Variants in NKAP observed in about 807,000 individuals in gnomAD.
The protein encoded by NKAP is NF-kappa-B-activating protein.
Under a neutral mutation model 35.6 loss-of-function variants are expected in NKAP, and 4 were observed. That is an observed-to-expected ratio of 0.11 (90% CI 0.06 to 0.26). The LOEUF is 0.26. Among genes scored for constraint, NKAP ranks in the 10% least tolerant of loss-of-function variants. NKAP has a pLI of 1.00. For missense variants in NKAP, 238 were observed against 321.9 expected, an observed-to-expected ratio of 0.74 and a Z score of 1.99; for synonymous variants, 106 against 119.2, an observed-to-expected ratio of 0.89 and a Z score of 0.72.
chrX:119,943,740 G>A lies in NKAP; in HGVS notation c.-135C>T, dbSNP rs778400818. 1.8e-3 allele frequency: 1,317 copies of A among 729,734 alleles called. 6 individuals are homozygous for A. The highest frequency in any genetic ancestry group is 0.011 in the South Asian group (317 of 29,415). The allele number at this position is 729,734 out of a possible 1,213,427, so 60.1% of individuals were successfully genotyped here. On this transcript the variant is annotated 5_prime_UTR_variant, in exon 1 of 9. Coordinates refer to ENST00000371410, the MANE Select transcript of NKAP (RefSeq NM_024528.4). ...CTGAGGAAACCTTGGACACAGTTCT[G>A]GGTACTTCTGCAAAACCCTTCCCCG...
chrX:119,935,718 A>T (rs1292111757), intron 4 of NKAP, among the ~76,000 whole-genome samples: 1 of 111,455 alleles, frequency 9.0e-6, no homozygotes, highest in Non-Finnish European at 1.9e-5. Context: ...ACCTCAGAGG[A>T]GGCACCTTCT....
Position 119,943,399 on chromosome X carries a change from G to A in NKAP, c.207C>T (p.Asn69=), listed in dbSNP as rs1476004666. 4.1e-6 allele frequency: 5 copies of A among 1,210,043 alleles called. No individual in the cohort carries two copies. In the East Asian group the frequency reaches 1.5e-4, roughly 36 times the overall value. The change falls in exon 1 of 9, where the codon AAC becomes AAT. Residue 69 remains asparagine (N), a synonymous_variant. Coordinates refer to ENST00000371410, the MANE Select transcript of NKAP (RefSeq NM_024528.4). ...ACCGCGAGCGTGAGCGGTAGGACTG[G>A]TTTCGGGAGCCTTGGCTGAGGCCAC... ...QLGGLSQGSR[N]QSYRSRSRSR... is the part of the protein sequence containing the mutation.
Position 119,943,678 on chromosome X carries a change from T to C in NKAP, c.-73A>G. 1 of 1,084,366 alleles carries C rather than the reference T, an allele frequency of 9.2e-7. No individual in the cohort carries two copies. Among genetic ancestry groups the C allele is most frequent in the South Asian group, 2.2e-5 (1 of 44,828 alleles). 89.4% of individuals were successfully genotyped at this position (1,084,366 alleles called of 1,213,427 possible). On this transcript the variant is annotated 5_prime_UTR_variant, in exon 1 of 9. Transcript: ENST00000371410. ...GAGCCTAGGAAGATGTCTGTTGCCTTGGTTCCCGGGACCTGCCGCTGCGGA... is the reference window on the plus strand; with the variant it reads ...GAGCCTAGGAAGATGTCTGTTGCCTCGGTTCCCGGGACCTGCCGCTGCGGA...
At chrX:119,941,628 T>G (rs2056793957) in intron 1 of NKAP, among the ~76,000 whole-genome samples, 1 of 111,196 alleles carries the variant, frequency 9.0e-6, no homozygotes, top group Non-Finnish European at 1.9e-5. Context: ...TTGTTTTTTT[T>G]TGTTTGTTTG....
chrX:119,932,561 A>G (rs763484657), intron 5 of NKAP: 16 of 135,977 alleles, frequency 1.2e-4, no homozygotes, highest in Non-Finnish European at 2.3e-4. Context: ...CGAGGCTGCA[A>G]TGAGCTATGA....
At chrX:119,933,889 C>A (rs1324581513) in intron 5 of NKAP, among the ~76,000 whole-genome samples, 1 of 109,179 alleles carries the variant, frequency 9.2e-6, no homozygotes, top group South Asian at 3.9e-4. Flanking sequence ...TGCAGTGAGC[C>A]GAGATCGCGC....
chrX:119,937,787 A>T (rs991031686), intron 2 of NKAP: 1 of 109,622 alleles, frequency 9.1e-6, no homozygotes, highest in Non-Finnish European at 1.9e-5. Context: ...TGGCCTCCCA[A>T]AGTGCTGTGA....
intron 8 of NKAP, among the ~76,000 whole-genome samples, chrX:119,926,105 C>T (rs1489207436): frequency 3.0e-5 from 3 of 100,036 alleles, no homozygotes; most frequent in East Asian, 3.2e-4. Flanking sequence ...TACAGGCGCC[C>T]GCCACCGCGC....
rs1234566235 is a variant in NKAP, at chrX:119,924,627, GT to G, written c.*592del. On this transcript the variant is annotated 3_prime_UTR_variant, in exon 9 of 9. Transcript: ENST00000371410. ...GGCTGGTCTCGACTCCTGACCTCAG[GT>G]GATCCACCCGCCTTGGCCTCCCAAA... 1.8e-5 allele frequency: 2 copies of G among 109,932 alleles called. No homozygotes were observed. The highest frequency in any genetic ancestry group is 3.8e-5 in the Non-Finnish European group (2 of 52,899). 9.1% of individuals were successfully genotyped at this position (109,932 alleles called of 1,213,427 possible).
intron 7 of NKAP, among the ~76,000 whole-genome samples, chrX:119,931,352 A>T (rs1335414200): frequency 9.1e-6 from 1 of 109,728 alleles, no homozygotes; most frequent in Non-Finnish European, 1.9e-5. Flanking sequence ...AAATACAAAA[A>T]AAAATTAGCT....
At chrX:119,933,558 G>A (rs1156249279) in intron 5 of NKAP, among the ~76,000 whole-genome samples, 1 of 111,782 alleles carries the variant, frequency 8.9e-6, no homozygotes, top group Non-Finnish European at 1.9e-5. Flanking sequence ...ATAAGAATAC[G>A]GTCACTGCAA....
intron 8 of NKAP, among the ~76,000 whole-genome samples, chrX:119,928,570 A>ATT (rs900996529): frequency 1.9e-5 from 2 of 106,485 alleles, no homozygotes; most frequent in African/African-American, 7.2e-5. Context: ...AAAAAATGAC[A>ATT]TTTTTTTTTT....
chrX:119,932,034 C>A (rs760497995), intron 6 of NKAP, 23 bp from the exon 7 acceptor site: 1 of 1,182,776 alleles, frequency 8.5e-7, no homozygotes, highest in African/African-American at 1.8e-5. Context: ...TATTAAGAAA[C>A]ACATTCACAT....
chrX:119,936,827 G>A (rs1312479627), intron 2 of NKAP, 145 bp from the exon 3 acceptor site: 1 of 450,901 alleles, frequency 2.2e-6, no homozygotes, highest in African/African-American at 2.5e-5. Flanking sequence ...TCCTAAGGCA[G>A]AACTTGGGAA....
chrX:119,925,107 C>T lies in NKAP; in HGVS notation c.*113G>A. ...AGGACTGAAAGAATTAAATAGAAGG[C>T]ACAGTAGCACTGTAAAGCTTTCTCA... is the stretch of plus-strand genomic sequence containing the variant. On this transcript the variant is annotated 3_prime_UTR_variant, in exon 9 of 9. Transcript: ENST00000371410. 1.4e-6 allele frequency: 1 copy of T among 738,717 alleles called. No homozygotes were observed. The highest frequency in any genetic ancestry group is 3.2e-5 in the East Asian group (1 of 31,106). 60.9% of individuals were successfully genotyped at this position (738,717 alleles called of 1,213,427 possible).
chrX:119,926,137 T>C (rs2056712150), intron 8 of NKAP, among the ~76,000 whole-genome samples: 1 of 102,163 alleles, frequency 9.8e-6, no homozygotes, highest in African/African-American at 3.6e-5. Context: ...TTTGTATTTT[T>C]AGTAGAGACG....
chrX:119,943,351 A>C lies in NKAP; in HGVS notation c.255T>G (p.Ser85=). Residue 85 remains serine (S), a synonymous_variant, in exon 1 of 9, where the codon TCT becomes TCG. Transcript: ENST00000371410. ...RSRSRSRERP[S]APRGIPFASA... is the part of the protein sequence containing the mutation. ...AAGCGAAGGGGATGCCCCGGGGCGC[A>C]GAGGGCCGCTCTCTAGAACGCGACC... The C allele has an allele frequency of 8.2e-7, 1 of 1,212,244 alleles. No individual in the cohort carries two copies. Among genetic ancestry groups the C allele is most frequent in the Non-Finnish European group, 1.1e-6 (1 of 895,547 alleles).
intron 4 of NKAP, among the ~76,000 whole-genome samples, chrX:119,935,845 C>G (rs747856679): frequency 8.1e-5 from 9 of 111,635 alleles, no homozygotes; most frequent in African/African-American, 2.6e-4. Flanking sequence ...TATGGCATAC[C>G]TTTTTGAAAA....
chrX:119,925,136 CATA>C lies in NKAP; in HGVS notation c.*81_*83del. Reference sequence around the variant, plus strand: ...GTAGCACTGTAAAGCTTTCTCAGAACATAATAATCTTTTTCTATGTATGTGTGG... The same window carrying C: ...GTAGCACTGTAAAGCTTTCTCAGAACATAATCTTTTTCTATGTATGTGTGG... On this transcript the variant is annotated 3_prime_UTR_variant, in exon 9 of 9. Transcript: ENST00000371410. 3.0e-6 allele frequency: 3 copies of C among 1,003,333 alleles called. No homozygotes were observed. The highest frequency in any genetic ancestry group is 4.1e-6 in the Non-Finnish European group (3 of 728,378). 82.7% of individuals were successfully genotyped at this position (1,003,333 alleles called of 1,213,427 possible).
Sources: gnomAD v4.1 joint callset for allele counts (sites outside exome capture counted in the v4.1 genomes callset) on GRCh38, gnomAD v4.1.1 for gene constraint, MANE v1.5 for transcripts, NCBI Gene and HGNC (gene_info 2026-07-23, HGNC 2026-07-21) for gene names.